The following ACSM2A variants were observed in gnomAD, a reference collection of about 807,000 sequenced individuals.
ACSM2A encodes acyl-CoA synthetase medium chain family member 2A.
ACSM2A carries 72 observed loss-of-function variants against 76.6 expected under a neutral mutation model. The observed-to-expected ratio is 0.94, with a 90% CI of 0.78 to 1.14. ACSM2A has a LOEUF of 1.14. ACSM2A is among the 50% of genes most tolerant of loss of function. ACSM2A has a pLI of 0.00. For missense variants in ACSM2A, 684 were observed against 708.5 expected (o/e 0.97, Z 0.39); for synonymous variants, 249 against 255.9 (o/e 0.97, Z 0.26).
intron 2 of ACSM2A, among the ~76,000 whole-genome samples, chr16:20,462,828 CA>C (rs143998871): frequency 6.6e-6 from 1 of 150,700 alleles, no homozygotes; most frequent in Non-Finnish European, 1.5e-5. Flanking sequence ...GGGTATACAC[CA>C]AAAAAAACTT....
At chr16:20,471,245 A>G in intron 5 of ACSM2A, 29 bp downstream of exon 5, 1 of 1,602,824 alleles carries the variant, frequency 6.2e-7, no homozygotes, top group Non-Finnish European at 8.5e-7. Context: ...CTCTACAGAG[A>G]ATTACATGAG....
chr16:20,464,088 T>C (rs1247694470), intron 2 of ACSM2A, among the ~76,000 whole-genome samples: 1 of 152,206 alleles, frequency 6.6e-6, no homozygotes, highest in African/African-American at 2.4e-5. Context: ...AAGTTCCTTA[T>C]TTGCATTTGA....
At chr16:20,486,312 C>G (rs1478626705) in intron 13 of ACSM2A, among the ~76,000 whole-genome samples, 1 of 152,234 alleles carries the variant, frequency 6.6e-6, no homozygotes, top group Non-Finnish European at 1.5e-5. Flanking sequence ...CAAGGCTCAG[C>G]TGGCTGACTG....
chr16:20,482,084 G>T (rs570015353), intron 12 of ACSM2A: 1 of 130,114 alleles, frequency 7.7e-6, no homozygotes, highest in East Asian at 2.2e-4. Flanking sequence ...GCAGTGAGCC[G>T]AGATCGTGCC....
rs752529548 is a variant in ACSM2A at position 20,480,718 on chromosome 16, G to T, written c.1409+18G>T. The T allele has an allele frequency of 1.2e-6, 2 of 1,603,070 alleles. No homozygotes were observed. Among genetic ancestry groups the T allele is most frequent in the Non-Finnish European group, 1.7e-6 (2 of 1,173,362 alleles). On this transcript the variant is annotated intron_variant, in intron 11 of 13. Transcript: ENST00000573854. ...TCCAGCGGGTGAGCTTGGTTTCTGG[G>T]TTGGGAAGGGAAATCTGGGTCTTTA...
At chr16:20,459,584 GTC>G (rs966651170) in intron 1 of ACSM2A, among the ~76,000 whole-genome samples, 3 of 152,204 alleles carry the variant, frequency 2.0e-5, no homozygotes, top group Non-Finnish European at 4.4e-5. Flanking sequence ...GGTTATGCAA[GTC>G]TCATGCAGAG....
chr16:20,457,159 A>T (rs1182486731), intron 1 of ACSM2A, among the ~76,000 whole-genome samples: 1 of 151,756 alleles, frequency 6.6e-6, no homozygotes, highest in Non-Finnish European at 1.5e-5. Context: ...AAATGGTAAT[A>T]CAAAAATTAT....
intron 13 of ACSM2A, among the ~76,000 whole-genome samples, chr16:20,485,687 T>G (rs939142759): frequency 2.2e-4 from 34 of 152,368 alleles, no homozygotes; most frequent in African/African-American, 7.7e-4. Context: ...CATTGTGTTT[T>G]GAACAAACTC....
At chr16:20,475,478 C>T (rs779906560) in intron 7 of ACSM2A, 37 bp downstream of exon 7, 5 of 1,611,986 alleles carry the variant, frequency 3.1e-6, no homozygotes, top group Non-Finnish European at 4.2e-6. Context: ...AGAGTCTGGC[C>T]CCATCCCCCT....
chr16:20,471,558 G>A lies in ACSM2A; in HGVS notation c.763G>A (p.Asp255Asn), dbSNP rs2013404866. Residue 255 changes from aspartate to asparagine, a missense_variant, in exon 6 of 14, where the codon GAT (aspartate) becomes AAT (asparagine). Physicochemically the swap from Asp to Asn is conservative, Grantham distance 23. This residue lies in a region of ACSM2A where 519 missense variants were observed against 549.5 expected (regional missense o/e 0.94). Transcript: ENST00000573854. ...DAGWTGLQAS[D>N]IMWTISDTGW... ...CAGTTGGACAGGCCTGCAAGCCTCT[G>A]ATATAATGTGGACCATATCAGACAC... 6.2e-7 allele frequency: 1 copy of A among 1,613,762 alleles called. No individual in the cohort carries two copies. Among genetic ancestry groups the A allele is most frequent in the Non-Finnish European group, 8.5e-7 (1 of 1,179,862 alleles).
intron 4 of ACSM2A, 144 bp from the exon 5 acceptor site, chr16:20,470,929 T>G: frequency 8.3e-7 from 1 of 1,210,116 alleles, no homozygotes; most frequent in Non-Finnish European, 1.2e-6. Context: ...ACTCCCATGA[T>G]CTTAATCACT....
intron 12 of ACSM2A, chr16:20,482,038 G>C (rs1293152368): frequency 1.5e-5 from 2 of 137,836 alleles, no homozygotes; most frequent in African/African-American, 2.9e-5. Flanking sequence ...AAGAGGCTGC[G>C]GCAGGAGAAT....
chr16:20,478,699 C>T (rs771791184), intron 10 of ACSM2A, 22 bp downstream of exon 10: 10 of 1,601,546 alleles, frequency 6.2e-6, no homozygotes, highest in Non-Finnish European at 8.5e-6. Context: ...TGCTCCTCCT[C>T]CTCTGTTCCC....
At chr16:20,466,835 G>T (rs980664828) in intron 3 of ACSM2A, among the ~76,000 whole-genome samples, 1 of 152,132 alleles carries the variant, frequency 6.6e-6, no homozygotes, top group South Asian at 2.1e-4. Context: ...AAATTGGGGA[G>T]GTTACAAATC....
At chr16:20,457,300 C>T (rs1167146885) in intron 1 of ACSM2A, among the ~76,000 whole-genome samples, 1 of 151,954 alleles carries the variant, frequency 6.6e-6, no homozygotes. Flanking sequence ...GGGAATCCTC[C>T]CTAAATCATT....
chr16:20,463,855 A>G (rs982190211), intron 2 of ACSM2A, among the ~76,000 whole-genome samples: 1 of 152,156 alleles, frequency 6.6e-6, no homozygotes, highest in Non-Finnish European at 1.5e-5. Flanking sequence ...CTTCCTTTTT[A>G]AGGCTGAAAT....
chr16:20,464,898 C>T (rs991055986), intron 2 of ACSM2A, among the ~76,000 whole-genome samples: 2 of 151,958 alleles, frequency 1.3e-5, no homozygotes, highest in African/African-American at 4.8e-5. Flanking sequence ...TACTTAATGC[C>T]ACTGAACTGT....
In ACSM2A at chr16:20,487,453, G is replaced by A. The variant is rs1161586369; in HGVS notation, c.*775G>A. The A allele has an allele frequency of 1.3e-5, 2 of 152,080 alleles. No homozygotes were observed. The highest frequency in any genetic ancestry group is 2.9e-5 in the Non-Finnish European group (2 of 68,038). The allele number at this position is 152,080 out of a possible 1,614,324, so 9.4% of individuals were successfully genotyped here. ...ACCTTGGAACTGTCAGGGTCAGAGG[G>A]GAACCACCATTTATTAAGCATTTGC... On this transcript the variant is annotated 3_prime_UTR_variant, in exon 14 of 14. Transcript: ENST00000573854.
chr16:20,478,280 G>A lies in ACSM2A; in HGVS notation c.1180-296G>A, dbSNP rs118186788. ...CTGCCCGATTTCTAAGTCCACAGGT[G>A]AGGCAGGTCTCAAAGATAAGAGGAG... is the stretch of plus-strand genomic sequence containing the variant. On this transcript the variant is annotated intron_variant, in intron 9 of 13. Transcript: ENST00000573854. Among the ~76,000 whole-genome samples the A allele has an allele frequency of 2.1e-3, 327 of 152,322 alleles. 13 individuals carry two copies. In the East Asian group the frequency reaches 0.055, roughly 26 times the overall value.
Sources: gnomAD v4.1 joint callset for allele counts (sites outside exome capture counted in the v4.1 genomes callset) on GRCh38, gnomAD v4.1.1 for gene constraint, gnomAD v4.1.1 regional missense constraint, MANE v1.5 for transcripts, NCBI Gene and HGNC (gene_info 2026-07-23, HGNC 2026-07-21) for gene names.